Variants in XIRP2 observed in about 807,000 individuals in gnomAD.
XIRP2 encodes xin actin binding repeat containing 2.
XIRP2 carries 236 observed loss-of-function variants against 277.0 expected under a neutral mutation model. The observed-to-expected ratio is 0.85, with a 90% CI of 0.77 to 0.95. The LOEUF (loss-of-function observed/expected upper bound fraction) is 0.95. Ranked by LOEUF, XIRP2 falls within the 40% of genes least tolerant of loss-of-function variation. The probability of loss-of-function intolerance (pLI) is 0.00; values close to 1 mark genes in which losing one functional copy is unlikely to be tolerated. For missense variants in XIRP2, 4,640 were observed against 4,157.5 expected (o/e 1.12, Z -3.19); for synonymous variants, 1,490 against 1,416.5 (o/e 1.05, Z -1.17).
intron 3 of XIRP2, among the ~76,000 whole-genome samples, chr2:167,146,220 C>A (rs543044452): frequency 2.6e-5 from 4 of 151,714 alleles, no homozygotes; most frequent in African/African-American, 9.7e-5. Context: ...TTATACAGAA[C>A]TGGGCATAGT....
intron 2 of XIRP2, among the ~76,000 whole-genome samples, chr2:167,074,246 AGTATATAT>A (rs1689506053): frequency 6.6e-6 from 1 of 152,114 alleles, no homozygotes; most frequent in African/African-American, 2.4e-5. Flanking sequence ...AAATATGTAC[AGTATATAT>A]GTATACATAT....
chr2:166,935,534 G>A (rs888741318), intron 2 of XIRP2, among the ~76,000 whole-genome samples: 2 of 152,132 alleles, frequency 1.3e-5, no homozygotes, highest in Admixed American at 6.5e-5. Context: ...ATTTACAGTA[G>A]GTATATCTCC....
chr2:167,225,965 G>A (rs950803035), intron 5 of XIRP2, among the ~76,000 whole-genome samples: 1 of 152,130 alleles, frequency 6.6e-6, no homozygotes, highest in African/African-American at 2.4e-5. Context: ...GAGCAAAATA[G>A]CCTCAACCAT....
chr2:167,210,873 A>G lies in XIRP2; in HGVS notation c.701A>G (p.Asp234Gly), dbSNP rs769104480. The G allele has an allele frequency of 6.2e-7, 1 of 1,614,108 alleles. No homozygotes were observed. Among genetic ancestry groups the G allele is most frequent in the South Asian group, 1.1e-5 (1 of 91,088 alleles). The change falls in exon 4 of 11, where the codon GAC (aspartate) becomes GGC (glycine). Residue 234 changes from aspartate (D) to glycine (G), a missense_variant. Asp to Gly is a moderately conservative substitution (Grantham distance 94, BLOSUM62 -1). Transcript: ENST00000409195. ...TACCAGGCAGCTGTTTCCAGGGGTG[A>G]CTGCCGCAGCTTCTCTGCTAATGTA... ...ARYQAAVSRG[D>G]CRSFSANMME...
intron 2 of XIRP2, among the ~76,000 whole-genome samples, chr2:167,091,297 C>A (rs942748391): frequency 1.3e-5 from 2 of 152,052 alleles, no homozygotes; most frequent in African/African-American, 4.8e-5. Flanking sequence ...TATTCTTTCT[C>A]CCCTGCCACT....
intron 3 of XIRP2, among the ~76,000 whole-genome samples, chr2:167,208,072 G>A (rs867812477): frequency 3.9e-5 from 6 of 152,172 alleles, no homozygotes; most frequent in African/African-American, 1.2e-4. Flanking sequence ...AGATTTGGGA[G>A]AATTCACTGA....
At chr2:166,942,708 T>C (rs1041911657) in intron 2 of XIRP2, among the ~76,000 whole-genome samples, 8 of 152,210 alleles carry the variant, frequency 5.3e-5, no homozygotes, top group Admixed American at 1.3e-4. Context: ...TTTTAAAATA[T>C]GGTATTTTCA....
chr2:167,117,722 TG>T (rs747907892), intron 2 of XIRP2, among the ~76,000 whole-genome samples: 2 of 152,246 alleles, frequency 1.3e-5, no homozygotes, highest in Non-Finnish European at 2.9e-5. Flanking sequence ...CTCATGTATG[TG>T]GGTTTGCAAT....
intron 2 of XIRP2, among the ~76,000 whole-genome samples, chr2:167,121,096 G>C (rs1365209564): frequency 1.3e-5 from 2 of 152,148 alleles, no homozygotes; most frequent in Non-Finnish European, 2.9e-5. Context: ...AAGCTGGGAA[G>C]TGTTTGAAGT....
At position 167,252,048 on chromosome 2, in the gene XIRP2, A is replaced by C. The variant is rs180721518; in HGVS notation, c.10555+101A>C. ...TTAAAAAGAGTGCGTGGAAACAACCAAACAATATAACCTAAAACTAACAGC... is the reference window on the plus strand; with the variant it reads ...TTAAAAAGAGTGCGTGGAAACAACCCAACAATATAACCTAAAACTAACAGC... On this transcript the variant is annotated intron_variant, in intron 9 of 10. Transcript: ENST00000409195. 3 of 1,478,228 alleles carry C rather than the reference A, an allele frequency of 2.0e-6. No homozygotes were observed. The African/African-American group carries it at 4.2e-5, about 21-fold the overall frequency. The allele number at this position is 1,478,228 out of a possible 1,614,324, so 91.6% of individuals were successfully genotyped here. A position where few individuals can be genotyped will look rare whatever the true frequency, so the allele number is the denominator to read the frequency against.
intron 2 of XIRP2, among the ~76,000 whole-genome samples, chr2:166,926,199 G>A (rs1558918423): frequency 6.6e-6 from 1 of 151,870 alleles, no homozygotes; most frequent in Admixed American, 6.6e-5. Flanking sequence ...ACTATGTTTG[G>A]AGTTATATAT....
intron 2 of XIRP2, among the ~76,000 whole-genome samples, chr2:167,111,305 T>C (rs1318445545): frequency 6.6e-6 from 1 of 152,186 alleles, no homozygotes; most frequent in Non-Finnish European, 1.5e-5. Flanking sequence ...ATGTGGGCCA[T>C]AGGTTTGTCA....
chr2:167,070,723 G>A (rs112157853), intron 2 of XIRP2, among the ~76,000 whole-genome samples: 26 of 152,192 alleles, frequency 1.7e-4, no homozygotes, highest in Non-Finnish European at 2.9e-4. Flanking sequence ...AAAGTTGGCC[G>A]TAAGACTTTT....
At chr2:167,213,123 C>G (rs954576242) in intron 4 of XIRP2, among the ~76,000 whole-genome samples, 8 of 152,100 alleles carry the variant, frequency 5.3e-5, no homozygotes, top group African/African-American at 1.9e-4. Context: ...TTGGTTGTAT[C>G]TAAATGAAAG....
chr2:166,959,882 T>C (rs1399187046), intron 2 of XIRP2, among the ~76,000 whole-genome samples: 1 of 151,714 alleles, frequency 6.6e-6, no homozygotes, highest in African/African-American at 2.4e-5. Flanking sequence ...GTGGAACTGA[T>C]CAGCACAATC....
At chr2:166,977,434 A>G (rs1171987591) in intron 2 of XIRP2, among the ~76,000 whole-genome samples, 1 of 152,194 alleles carries the variant, frequency 6.6e-6, no homozygotes, top group Non-Finnish European at 1.5e-5. Context: ...AAAATCATCA[A>G]TAAAAAATTT....
chr2:167,046,793 G>A (rs530979913), intron 2 of XIRP2, among the ~76,000 whole-genome samples: 2 of 152,050 alleles, frequency 1.3e-5, no homozygotes, highest in East Asian at 3.9e-4. Context: ...GGTGAAAGGA[G>A]GATGATGATC....
intron 2 of XIRP2, among the ~76,000 whole-genome samples, chr2:166,985,668 A>G (rs753098797): frequency 6.6e-6 from 1 of 152,044 alleles, no homozygotes; most frequent in African/African-American, 2.4e-5. Context: ...CAGACTTGTG[A>G]TCCGCCCACC....
chr2:167,035,853 C>T (rs537603515), intron 2 of XIRP2, among the ~76,000 whole-genome samples: 2 of 152,306 alleles, frequency 1.3e-5, no homozygotes, highest in Non-Finnish European at 2.9e-5. Context: ...ACCCATGGCC[C>T]CTATGCTTTG....
Sources: allele counts gnomAD v4.1 joint callset (sites outside exome capture counted in the v4.1 genomes callset), GRCh38; gene constraint gnomAD v4.1.1; transcripts MANE v1.5; gene names NCBI Gene and HGNC (gene_info 2026-07-23, HGNC 2026-07-21).